The following KIAA0586 variants were observed in gnomAD, a reference collection of about 807,000 sequenced individuals.
The protein encoded by KIAA0586 is KIAA0586.
Under a neutral mutation model 169.8 loss-of-function variants are expected in KIAA0586, and 144 were observed. The ratio of observed to expected loss-of-function variants is 0.85; its 90% CI spans 0.74 to 0.97. KIAA0586 has a LOEUF of 0.97. Ranked by LOEUF, KIAA0586 falls within the 50% of genes least tolerant of loss-of-function variation. KIAA0586 has a pLI of 0.00. For missense variants in KIAA0586, 1,854 were observed against 1,823.0 expected (o/e 1.02, Z -0.31); for synonymous variants, 625 against 612.4 (o/e 1.02, Z -0.30).
upstream of KIAA0586, chr14:58,427,707 C>A: frequency 9.1e-6 from 14 of 1,535,006 alleles, no homozygotes; most frequent in Non-Finnish European, 1.2e-5. Context: ...TGTTGACCTG[C>A]GGGCAACTGA....
intron 29 of KIAA0586, among the ~76,000 whole-genome samples, chr14:58,520,148 GAGAA>G (rs1460786540): frequency 1.3e-5 from 2 of 152,272 alleles, no homozygotes; most frequent in East Asian, 3.9e-4. Context: ...AACTTTAGAT[GAGAA>G]AGAAAAATCG....
intron 14 of KIAA0586, among the ~76,000 whole-genome samples, chr14:58,462,504 C>A (rs1595202168): frequency 1.3e-5 from 2 of 152,220 alleles, no homozygotes; most frequent in South Asian, 4.1e-4. Flanking sequence ...CCACCCGCCT[C>A]AGCCTCCCAG....
Position 58,467,898 on chromosome 14 carries a change from G to A in KIAA0586, c.2418G>A (p.Lys806=). The change falls in exon 16 of 31, where the codon AAG becomes AAA. Residue 806 remains lysine, a synonymous_variant. Transcript: ENST00000652326. ...IAIVEMKSEK[K]DPPQLTVQVL... ...TTGTAGAAATGAAGTCAGAAAAAAA[G>A]GATCCTCCTCAGCTTACTGTGCAGG... The A allele has an allele frequency of 6.2e-7, 1 of 1,613,260 alleles. No individual in the cohort carries two copies. The highest frequency in any genetic ancestry group is 8.5e-7 in the Non-Finnish European group (1 of 1,179,582).
Position 58,456,677 on chromosome 14 carries a change from G to A in KIAA0586, c.1254-25G>A, listed in dbSNP as rs1743721. 0.99 allele frequency: 1,300,828 copies of A among 1,307,606 alleles called. 647,223 individuals are homozygous for A. The highest frequency in any genetic ancestry group is 1 in the Non-Finnish European group (931,940 of 932,204). The allele number at this position is 1,307,606 out of a possible 1,614,324, so 81.0% of individuals were successfully genotyped here. A position where few individuals can be genotyped will look rare whatever the true frequency, so the allele number is the denominator to read the frequency against. ...GAAACTTTTTCAAAAATCTTCTGTAGCGTTGAAACTCTACCTTCTCAAAGA... is the reference window on the plus strand; with the variant it reads ...GAAACTTTTTCAAAAATCTTCTGTAACGTTGAAACTCTACCTTCTCAAAGA... On this transcript the variant is annotated intron_variant, in intron 9 of 30. Coordinates refer to ENST00000652326, the MANE Select transcript of KIAA0586 (RefSeq NM_001329943.3).
chr14:58,559,018 C>T, the KIAA0586 span, among the ~76,000 whole-genome samples: 4 of 152,324 alleles, frequency 2.6e-5, no homozygotes, highest in Admixed American at 2.0e-4. Context: ...TATTCTTAAG[C>T]TATAGTCCTA....
chr14:58,498,465 C>T (rs1048534355), intron 26 of KIAA0586, among the ~76,000 whole-genome samples: 1 of 152,134 alleles, frequency 6.6e-6, no homozygotes, highest in Admixed American at 6.6e-5. Flanking sequence ...CATGAGCCAC[C>T]GTGCTGGCCC....
intron 18 of KIAA0586, among the ~76,000 whole-genome samples, chr14:58,473,298 T>C (rs1004396995): frequency 1.3e-5 from 2 of 152,132 alleles, no homozygotes; most frequent in Admixed American, 6.5e-5. Context: ...TGAGACAAGA[T>C]TGACCATAAG....
At chr14:58,468,353 C>T (rs2040938139) in intron 16 of KIAA0586, among the ~76,000 whole-genome samples, 1 of 152,118 alleles carries the variant, frequency 6.6e-6, no homozygotes, top group African/African-American at 2.4e-5. Flanking sequence ...GCCCCGCTGG[C>T]TCTGTTATTT....
intron 4 of KIAA0586, among the ~76,000 whole-genome samples, chr14:58,436,647 G>T (rs1271142943): frequency 1.3e-5 from 2 of 152,130 alleles, no homozygotes; most frequent in Non-Finnish European, 2.9e-5. Flanking sequence ...AAAAAAGTAT[G>T]TGCCTGTGTG....
rs17094687 is a variant in KIAA0586, at chr14:58,547,742, T to A, written c.4496-39T>A. 3.3e-3 allele frequency: 5,213 copies of A among 1,572,356 alleles called. 131 individuals are homozygous for A. In the African/African-American group the frequency reaches 0.056, roughly 17 times the overall value. ...AGCATAAAGCACGTAAATACTCAGG[T>A]TACGCATGTTGAGCTGAATGAGCTT... On this transcript the variant is annotated intron_variant, in intron 30 of 30. Transcript: ENST00000652326.
intron 1 of KIAA0586, among the ~76,000 whole-genome samples, chr14:58,429,064 C>T (rs1017413740): frequency 2.0e-5 from 3 of 152,166 alleles, no homozygotes; most frequent in African/African-American, 7.2e-5. Flanking sequence ...ACCTTTACAT[C>T]GTATACATAT....
At chr14:58,491,848 T>A (rs1195573532) in intron 25 of KIAA0586, among the ~76,000 whole-genome samples, 1 of 152,234 alleles carries the variant, frequency 6.6e-6, no homozygotes, top group Non-Finnish European at 1.5e-5. Context: ...TATAAAACAT[T>A]TATGATTCAT....
chr14:58,463,129 TTC>T (rs10542216), intron 14 of KIAA0586, among the ~76,000 whole-genome samples: 148,563 of 152,016 alleles, frequency 0.98, 72,676 homozygotes, highest in Non-Finnish European at 1. Context: ...ACTTGCATGG[TTC>T]TCTCTCTCAA....
the KIAA0586 span, among the ~76,000 whole-genome samples, chr14:58,557,231 G>A: frequency 6.6e-6 from 1 of 152,134 alleles, no homozygotes; most frequent in Non-Finnish European, 1.5e-5. Flanking sequence ...TGCATTTCTG[G>A]GTAATAGGGT....
downstream of KIAA0586, among the ~76,000 whole-genome samples, chr14:58,556,240 A>C (rs1390938826): frequency 1.3e-5 from 2 of 152,246 alleles, no homozygotes; most frequent in Non-Finnish European, 2.9e-5. Flanking sequence ...CCACTTGGGC[A>C]GACTGAACAT....
chr14:58,525,263 C>T (rs191870895), intron 29 of KIAA0586, among the ~76,000 whole-genome samples: 76 of 151,996 alleles, frequency 5.0e-4, no homozygotes, highest in African/African-American at 1.8e-3. Flanking sequence ...TCTTAGGGGC[C>T]TGGGCAAGAT....
At chr14:58,526,989 C>T (rs533350994) in intron 29 of KIAA0586, among the ~76,000 whole-genome samples, 2 of 152,086 alleles carry the variant, frequency 1.3e-5, no homozygotes, top group East Asian at 3.9e-4. Context: ...ACTAGAATCA[C>T]CAGTTTAGAG....
rs919840667 is a variant in KIAA0586, at chr14:58,484,064, G to T, written c.3144+1352G>T. Reference sequence around the variant, plus strand: ...ATATATATTGTATATATTTTCATGAGGGTGATTGGATGAGAAAATGTGGGA... The same window carrying T: ...ATATATATTGTATATATTTTCATGATGGTGATTGGATGAGAAAATGTGGGA... On this transcript the variant is annotated intron_variant, in intron 21 of 30. Transcript: ENST00000652326. 2.0e-5 allele frequency among the ~76,000 whole-genome samples: 3 copies of T among 152,090 alleles called. No homozygotes were observed. The East Asian group carries it at 5.8e-4, about 29-fold the overall frequency.
chr14:58,508,555 G>T lies in KIAA0586; in HGVS notation c.4169G>T (p.Gly1390Val). 1 of 1,567,696 alleles carries T rather than the reference G, an allele frequency of 6.4e-7. No individual in the cohort carries two copies. The highest frequency in any genetic ancestry group is 8.7e-7 in the Non-Finnish European group (1 of 1,155,980). ...PLSRQFDTVS[G>V]SIYEDSCASH... ...TTTTTATTTACATTTTTGATAACAG[G>T]TAGTATTTATGAAGATTCATGTGCT... The change falls in exon 28 of 31, where the codon GGT (glycine) becomes GTT (valine). Residue 1390 changes from glycine to valine, a missense_variant and splice_region_variant. Physicochemically the swap from Gly to Val is moderately radical, Grantham distance 109 (BLOSUM62 -3). Transcript: ENST00000652326.
Sources: gnomAD v4.1 joint callset for allele counts (sites outside exome capture counted in the v4.1 genomes callset) on GRCh38, gnomAD v4.1.1 for gene constraint, MANE v1.5 for transcripts, NCBI Gene and HGNC (gene_info 2026-07-23, HGNC 2026-07-21) for gene names.